FHIT: variants seen among roughly 807,000 people sequenced by gnomAD.
The protein encoded by FHIT is bis(5'-adenosyl)-triphosphatase.
FHIT carries 19 observed loss-of-function variants against 17.9 expected under a neutral mutation model. The observed-to-expected ratio is 1.06, with a 90% CI of 0.74 to 1.56. FHIT has a LOEUF of 1.56. Among genes scored for constraint, FHIT ranks in the 40% most tolerant of loss-of-function variants. The pLI is 0.00. For missense variants in FHIT, 248 were observed against 189.2 expected, an observed-to-expected ratio of 1.31 and a Z score of -1.82; for synonymous variants, 81 against 69.7, an observed-to-expected ratio of 1.16 and a Z score of -0.81.
At chr3:60,427,262 C>A (rs890067372) in intron 5 of FHIT, among the ~76,000 whole-genome samples, 1 of 152,050 alleles carries the variant, frequency 6.6e-6, no homozygotes, top group Non-Finnish European at 1.5e-5. Flanking sequence ...ATGAACGCTG[C>A]GCAGTAGCCG....
chr3:60,409,500 A>T (rs546653719), intron 5 of FHIT, among the ~76,000 whole-genome samples: 2 of 152,294 alleles, frequency 1.3e-5, no homozygotes, highest in South Asian at 2.1e-4. Flanking sequence ...TGGACTCTGG[A>T]TATTTATAGC....
chr3:60,046,622 A>C (rs140651029), intron 5 of FHIT, among the ~76,000 whole-genome samples: 1 of 152,360 alleles, frequency 6.6e-6, no homozygotes, highest in East Asian at 1.9e-4. Context: ...GGACACCTGA[A>C]AGAGAAACAA....
At chr3:59,880,548 A>G (rs1425927772) in intron 8 of FHIT, among the ~76,000 whole-genome samples, 4 of 152,206 alleles carry the variant, frequency 2.6e-5, no homozygotes, top group Non-Finnish European at 5.9e-5. Context: ...ATCTAGTGCC[A>G]CAACTAAGTA....
At chr3:60,471,565 C>G (rs2033090218) in intron 5 of FHIT, among the ~76,000 whole-genome samples, 1 of 152,198 alleles carries the variant, frequency 6.6e-6, no homozygotes, top group South Asian at 2.1e-4. Context: ...TTCTCCACGT[C>G]TCATGGACTG....
At chr3:59,891,032 C>T (rs971100308) in intron 8 of FHIT, among the ~76,000 whole-genome samples, 5 of 152,190 alleles carry the variant, frequency 3.3e-5, no homozygotes, top group African/African-American at 1.2e-4. Context: ...ATGCACTCAG[C>T]ATTTATGCAA....
intron 1 of FHIT, among the ~76,000 whole-genome samples, chr3:61,232,731 C>G (rs1327429394): frequency 6.6e-6 from 1 of 152,184 alleles, no homozygotes; most frequent in Non-Finnish European, 1.5e-5. Context: ...CAGCTGCCTG[C>G]TCCTATTAGG....
chr3:60,250,375 G>C (rs1325532419), intron 5 of FHIT, among the ~76,000 whole-genome samples: 1 of 152,148 alleles, frequency 6.6e-6, no homozygotes, highest in East Asian at 1.9e-4. Context: ...CTCATATACT[G>C]ACAATTCAAG....
In FHIT at chr3:60,802,459, GC is replaced by G. The variant is rs200787908; in HGVS notation, c.-18+19459del. On this transcript the variant is annotated intron_variant, in intron 4 of 9. Transcript: ENST00000492590. ...CTCTTATTCGTAAAAGCAACACGTT[GC>G]CCTGGCAAGACCCAAAATATTAAAT... Among the ~76,000 whole-genome samples, 874 of 152,198 alleles carry G rather than the reference GC, an allele frequency of 5.7e-3. 13 individuals are homozygous for G. Among genetic ancestry groups the G allele is most frequent in the African/African-American group, 0.02 (820 of 41,524 alleles).
chr3:60,989,262 G>C (rs2029955097), intron 3 of FHIT, among the ~76,000 whole-genome samples: 1 of 151,970 alleles, frequency 6.6e-6, no homozygotes, highest in African/African-American at 2.4e-5. Context: ...TGATTCTCCT[G>C]TCGCAGCCTC....
rs888922114 is a variant in FHIT at position 60,906,336 on chromosome 3, G to A, written c.-110-84325C>T. On this transcript the variant is annotated intron_variant, in intron 3 of 9. Transcript: ENST00000492590. ...ACAAATATGAAATGAGGGAAAGTGCGGAAGAATCCTGTGATGTTGAATTTG... is the reference window on the plus strand; with the variant it reads ...ACAAATATGAAATGAGGGAAAGTGCAGAAGAATCCTGTGATGTTGAATTTG... 7.2e-5 allele frequency among the ~76,000 whole-genome samples: 11 copies of A among 152,276 alleles called. No homozygotes were observed. The East Asian group carries it at 9.7e-4, about 13-fold the overall frequency.
At chr3:61,189,170 A>G (rs1302232680) in intron 2 of FHIT, among the ~76,000 whole-genome samples, 1 of 152,228 alleles carries the variant, frequency 6.6e-6, no homozygotes, top group Non-Finnish European at 1.5e-5. Flanking sequence ...ACATGAATGT[A>G]TATCTAGAAA....
intron 5 of FHIT, among the ~76,000 whole-genome samples, chr3:60,333,921 C>CT (rs1559829024): frequency 6.6e-6 from 1 of 152,108 alleles, no homozygotes; most frequent in African/African-American, 2.4e-5. Context: ...TGTTGATCAA[C>CT]TTCTCTCCCT....
intron 4 of FHIT, among the ~76,000 whole-genome samples, chr3:60,563,845 T>C (rs2037040012): frequency 2.6e-5 from 4 of 152,270 alleles, no homozygotes; most frequent in Admixed American, 2.6e-4. Context: ...ATATAAAATG[T>C]CGAGGTGAAG....
intron 4 of FHIT, among the ~76,000 whole-genome samples, chr3:60,635,803 G>C (rs147590536): frequency 6.6e-6 from 1 of 152,112 alleles, no homozygotes; most frequent in Non-Finnish European, 1.5e-5. Flanking sequence ...GAGCAGGGTT[G>C]GCAAACTTTT....
At chr3:61,221,478 A>G (rs1029217483) in intron 1 of FHIT, among the ~76,000 whole-genome samples, 2 of 152,226 alleles carry the variant, frequency 1.3e-5, no homozygotes, top group Non-Finnish European at 2.9e-5. Context: ...CCTTTCCATC[A>G]TTACATAGAC....
intron 7 of FHIT, among the ~76,000 whole-genome samples, chr3:60,009,654 A>C (rs1036080606): frequency 2.0e-5 from 3 of 152,188 alleles, no homozygotes; most frequent in Admixed American, 6.5e-5. Context: ...AGATAATTCA[A>C]ATATGATAAA....
At chr3:60,106,073 A>C (rs189115058) in intron 5 of FHIT, among the ~76,000 whole-genome samples, 3 of 152,308 alleles carry the variant, frequency 2.0e-5, no homozygotes, top group Admixed American at 1.3e-4. Flanking sequence ...CTGGAGCGGG[A>C]ATCTTTCCTT....
In FHIT at chr3:59,878,920, T is replaced by C. The variant is rs116720873; in HGVS notation, c.348+43426A>G. 3.5e-3 allele frequency among the ~76,000 whole-genome samples: 536 copies of C among 152,296 alleles called. 5 individuals are homozygous for C. The highest frequency in any genetic ancestry group is 0.013 in the African/African-American group (521 of 41,560). ...TTTTACTCCCCTTGTTCATATCTTA[T>C]ACTGTGATTAAACCCAAGCATTCTG... On this transcript the variant is annotated intron_variant, in intron 8 of 9. Coordinates refer to ENST00000492590, the MANE Select transcript of FHIT (RefSeq NM_002012.4).
chr3:60,799,637 C>G (rs782648599), intron 4 of FHIT, among the ~76,000 whole-genome samples: 4 of 152,208 alleles, frequency 2.6e-5, no homozygotes, highest in Non-Finnish European at 5.9e-5. Flanking sequence ...CACATGCAAT[C>G]ATCTGGCTAC....
Sources: allele counts gnomAD v4.1 joint callset (sites outside exome capture counted in the v4.1 genomes callset), GRCh38; gene constraint gnomAD v4.1.1; transcripts MANE v1.5; gene names NCBI Gene and HGNC (gene_info 2026-07-23, HGNC 2026-07-21).